The following CHIC2 variants were observed in gnomAD, a reference collection of about 807,000 sequenced individuals.
CHIC2 encodes cysteine rich hydrophobic domain 2.
Under a neutral mutation model 25.9 loss-of-function variants are expected in CHIC2, and 14 were observed. That is an observed-to-expected ratio of 0.54 (90% confidence interval 0.36 to 0.85). CHIC2 has a LOEUF of 0.85. Ranked by LOEUF, CHIC2 falls within the 40% of genes least tolerant of loss-of-function variation. The pLI is 0.01. For missense variants in CHIC2, 146 were observed against 202.0 expected (o/e 0.72, Z 1.68); for synonymous variants, 70 against 72.0 (o/e 0.97, Z 0.14).
In CHIC2 at chr4:54,009,801, GTTC is replaced by G; in HGVS notation, c.*291_*293del. Reference sequence around the variant, plus strand: ...AAAGGCTGGCCACTTTTTATGCTAAGTTCAAATGTATTTTTTTGATAATACAAA... The same window carrying G: ...AAAGGCTGGCCACTTTTTATGCTAAGAAATGTATTTTTTTGATAATACAAA... On this transcript the variant is annotated 3_prime_UTR_variant, in exon 6 of 6. Transcript: ENST00000263921. 3.7e-6 allele frequency: 1 copy of G among 267,136 alleles called. No individual in the cohort carries two copies. The highest frequency in any genetic ancestry group is 5.6e-5 in the East Asian group (1 of 17,728). The allele number at this position is 267,136 out of a possible 1,614,324, so 16.5% of individuals were successfully genotyped here.
At chr4:54,062,906 A>G (rs901708446) in intron 1 of CHIC2, among the ~76,000 whole-genome samples, 4 of 152,182 alleles carry the variant, frequency 2.6e-5, no homozygotes, top group African/African-American at 9.6e-5. Flanking sequence ...CAACACTTAG[A>G]AAGTATTATT....
At chr4:54,071,544 A>G in the CHIC2 span, among the ~76,000 whole-genome samples, 62 of 152,254 alleles carry the variant, frequency 4.1e-4, no homozygotes, top group Non-Finnish European at 8.2e-4. Flanking sequence ...CTTGAACTCA[A>G]ATAGGATCTT....
At chr4:54,076,186 G>T in the CHIC2 span, among the ~76,000 whole-genome samples, 12 of 151,950 alleles carry the variant, frequency 7.9e-5, 1 homozygote, top group Admixed American at 7.2e-4. Context: ...TTATTTGGGG[G>T]GCTCAGGCAG....
At chr4:54,064,608 A>T (rs964887416), upstream of CHIC2, 1 of 1,170,874 alleles carries the variant, frequency 8.5e-7, no homozygotes, top group South Asian at 2.5e-5. This position sits in a 1 kb window ranked among gnomAD's most constrained non-coding sequence, Gnocchi z 4.2. Flanking sequence ...AGGAAACCAC[A>T]GCAACAGCCC....
upstream of CHIC2, chr4:54,065,307 G>A: frequency 1.0e-6 from 1 of 984,628 alleles, no homozygotes; most frequent in Non-Finnish European, 1.2e-6. Flanking sequence ...AAATTACCTG[G>A]ATTCCATATT....
At chr4:54,091,665 C>T in the CHIC2 span, among the ~76,000 whole-genome samples, 2 of 152,200 alleles carry the variant, frequency 1.3e-5, no homozygotes, top group South Asian at 4.1e-4. Context: ...CTAACACCAC[C>T]TGTTCCTCAA....
Position 54,033,128 on chromosome 4 carries a change from G to C in CHIC2, c.330+15827C>G, listed in dbSNP as rs188966706. Among the ~76,000 whole-genome samples the C allele has an allele frequency of 5.1e-3, 782 of 152,290 alleles. 3 individuals are homozygous for C. The highest frequency in any genetic ancestry group is 9.0e-3 in the Non-Finnish European group (612 of 68,026). ...ATGCCAGTGCCATGCTTCTTGTACA[G>C]CCTGTAGAACCATGAGCCAATTAAA... On this transcript the variant is annotated intron_variant, in intron 3 of 5. Coordinates refer to ENST00000263921, the MANE Select transcript of CHIC2 (RefSeq NM_012110.4).
At chr4:54,044,359 C>A (rs1252960047) in intron 3 of CHIC2, among the ~76,000 whole-genome samples, 3 of 152,214 alleles carry the variant, frequency 2.0e-5, no homozygotes, top group African/African-American at 7.2e-5. Context: ...TTCCTTTCGG[C>A]ACCACACCAC....
the CHIC2 span, among the ~76,000 whole-genome samples, chr4:54,080,977 TATATATATAA>T: frequency 8.2e-6 from 1 of 121,954 alleles, no homozygotes; most frequent in Non-Finnish European, 1.7e-5. Context: ...TATATATATA[TATATATATAA>T]AATCATCACA....
chr4:54,064,987 G>A (rs1376815280), upstream of CHIC2, among the ~76,000 whole-genome samples: 2 of 152,216 alleles, frequency 1.3e-5, no homozygotes, highest in African/African-American at 4.8e-5. The surrounding 1 kb of genome is among the most constrained non-coding windows in gnomAD (Gnocchi z 4.2). Context: ...GAAAAGAAAA[G>A]CCCTGGCTGG....
chr4:54,066,269 G>C (rs1463216708), upstream of CHIC2, among the ~76,000 whole-genome samples: 1 of 152,188 alleles, frequency 6.6e-6, no homozygotes, highest in African/African-American at 2.4e-5. Flanking sequence ...GGGATGCTCA[G>C]CAGATTCAAG....
chr4:54,079,585 C>A, the CHIC2 span, among the ~76,000 whole-genome samples: 1 of 151,652 alleles, frequency 6.6e-6, no homozygotes, highest in South Asian at 2.1e-4. Context: ...GACAAAAAAC[C>A]TGATTTAAAG....
chr4:54,023,277 A>G (rs914358607), intron 3 of CHIC2, among the ~76,000 whole-genome samples: 5 of 152,146 alleles, frequency 3.3e-5, no homozygotes, highest in Non-Finnish European at 5.9e-5. Context: ...TAGGCTGGCC[A>G]TCATGTCTCC....
chr4:54,030,214 T>A (rs114234373), intron 3 of CHIC2, among the ~76,000 whole-genome samples: 1 of 152,130 alleles, frequency 6.6e-6, no homozygotes, highest in Non-Finnish European at 1.5e-5. Context: ...GAAACCTATA[T>A]TAAAATATTT....
chr4:54,067,846 T>C (rs1454247064), upstream of CHIC2, among the ~76,000 whole-genome samples: 1 of 152,070 alleles, frequency 6.6e-6, no homozygotes, highest in Non-Finnish European at 1.5e-5. Flanking sequence ...TTTCTTCATC[T>C]TCAAATGGAA....
the CHIC2 span, among the ~76,000 whole-genome samples, chr4:54,085,239 A>G: frequency 6.6e-6 from 1 of 152,186 alleles, no homozygotes; most frequent in Admixed American, 6.5e-5. Flanking sequence ...TATCTTCTGA[A>G]TTATATTACC....
chr4:54,027,611 T>C (rs1054808208), intron 3 of CHIC2, among the ~76,000 whole-genome samples: 1 of 152,176 alleles, frequency 6.6e-6, no homozygotes, highest in African/African-American at 2.4e-5. Context: ...TATTTCATTA[T>C]TCTGTATCTT....
the CHIC2 span, among the ~76,000 whole-genome samples, chr4:54,075,725 T>C: frequency 2.0e-5 from 3 of 152,022 alleles, no homozygotes; most frequent in Non-Finnish European, 4.4e-5. Flanking sequence ...GGCTAATTTT[T>C]GTATTTTTAG....
chr4:54,038,312 AT>A, intron 3 of CHIC2, among the ~76,000 whole-genome samples: 1 of 152,342 alleles, frequency 6.6e-6, no homozygotes, highest in South Asian at 2.1e-4. Flanking sequence ...AATCAACTGT[AT>A]TTTATGTACT....
Sources: allele counts gnomAD v4.1 joint callset (sites outside exome capture counted in the v4.1 genomes callset), GRCh38; gene constraint gnomAD v4.1.1; non-coding constraint Gnocchi (gnomAD v3.1); transcripts MANE v1.5; gene names NCBI Gene and HGNC (gene_info 2026-07-23, HGNC 2026-07-21).